THSD4: variants seen among roughly 807,000 people sequenced by gnomAD.
THSD4 encodes the protein thrombospondin type 1 domain containing 4, also known as thrombospondin type-1 domain-containing protein 4.
In THSD4, 69 loss-of-function variants were observed where a neutral mutation model predicts 119.0. The ratio of observed to expected loss-of-function variants is 0.58; its 90% confidence interval spans 0.48 to 0.71. THSD4 has a LOEUF of 0.71. Ranked by LOEUF, THSD4 falls within the 30% of genes least tolerant of loss-of-function variation. THSD4 has a pLI of 0.00. For synonymous variants in THSD4, 524 were observed against 540.4 expected (o/e 0.97, Z 0.42); for missense variants, 1,393 against 1,391.1 (o/e 1.00, Z -0.02).
At chr15:71,575,623 A>G (rs1048289355) in intron 7 of THSD4, among the ~76,000 whole-genome samples, 5 of 152,204 alleles carry the variant, frequency 3.3e-5, no homozygotes, top group Non-Finnish European at 2.9e-5. Context: ...TGAATTCTAG[A>G]AAGATTATTT....
intron 6 of THSD4, among the ~76,000 whole-genome samples, chr15:71,321,279 T>C (rs1243518377): frequency 6.8e-6 from 1 of 148,064 alleles, no homozygotes; most frequent in African/African-American, 2.5e-5. Flanking sequence ...CTCAAGCCTG[T>C]AATCCCAGCA....
intron 7 of THSD4, among the ~76,000 whole-genome samples, chr15:71,474,309 G>A (rs1028790568): frequency 6.6e-6 from 1 of 151,528 alleles, no homozygotes; most frequent in Non-Finnish European, 1.5e-5. Flanking sequence ...AACCTCTGCC[G>A]CCTGGGTTCA....
chr15:71,171,154 C>T (rs889577121), intron 3 of THSD4, among the ~76,000 whole-genome samples: 2 of 151,794 alleles, frequency 1.3e-5, no homozygotes, highest in Non-Finnish European at 2.9e-5. Flanking sequence ...AGTTTCCAAA[C>T]TTGATGAAAA....
chr15:71,761,670 T>C (rs1485519246), intron 15 of THSD4, among the ~76,000 whole-genome samples: 5 of 152,230 alleles, frequency 3.3e-5, no homozygotes, highest in South Asian at 2.1e-4. Context: ...ACGGCTTTTA[T>C]TGGTGTCTTT....
chr15:71,232,070 C>T (rs1178562825), intron 4 of THSD4, among the ~76,000 whole-genome samples: 1 of 152,134 alleles, frequency 6.6e-6, no homozygotes, highest in Non-Finnish European at 1.5e-5. Flanking sequence ...TTGGCTCAAG[C>T]GGCTCCTTGG....
chr15:71,549,298 C>T (rs1271660169), intron 7 of THSD4, among the ~76,000 whole-genome samples: 6 of 152,174 alleles, frequency 3.9e-5, no homozygotes, highest in Non-Finnish European at 1.5e-5. Context: ...AGTAAAGATC[C>T]TCTTGGGCCT....
chr15:71,161,253 T>C (rs987599440), intron 3 of THSD4, among the ~76,000 whole-genome samples: 1 of 152,074 alleles, frequency 6.6e-6, no homozygotes, highest in African/African-American at 2.4e-5. Context: ...CTGTAATTAT[T>C]TGTTAGGTCC....
intron 4 of THSD4, among the ~76,000 whole-genome samples, chr15:71,227,550 A>G (rs2140261250): frequency 1.3e-5 from 2 of 152,350 alleles, no homozygotes; most frequent in South Asian, 2.1e-4. Context: ...TGATTCAGTC[A>G]TAGTAATCAC....
At chr15:71,606,473 A>G (rs948863203) in intron 7 of THSD4, among the ~76,000 whole-genome samples, 2 of 151,756 alleles carry the variant, frequency 1.3e-5, no homozygotes, top group African/African-American at 4.8e-5. Flanking sequence ...AGGAGGCAGG[A>G]TAAACTGCTC....
intron 10 of THSD4, among the ~76,000 whole-genome samples, chr15:71,734,374 A>T (rs574672585): frequency 1.4e-3 from 217 of 152,348 alleles, no homozygotes; most frequent in African/African-American, 5.0e-3. Flanking sequence ...CATGCATATT[A>T]CTAAGTGAAA....
intron 2 of THSD4, among the ~76,000 whole-genome samples, chr15:71,146,653 A>G (rs2040664569): frequency 6.6e-6 from 1 of 152,212 alleles, no homozygotes; most frequent in African/African-American, 2.4e-5. Flanking sequence ...CTATATGAAC[A>G]CAGTACATCT....
chr15:71,174,652 T>C (rs1195122235), intron 3 of THSD4, among the ~76,000 whole-genome samples: 13 of 113,976 alleles, frequency 1.1e-4, no homozygotes, highest in Non-Finnish European at 1.9e-4. Context: ...CAAGGAGGCC[T>C]GCCTGCCTCT....
intron 8 of THSD4, among the ~76,000 whole-genome samples, chr15:71,680,671 A>T (rs1267531437): frequency 6.6e-6 from 1 of 152,230 alleles, no homozygotes; most frequent in Admixed American, 6.5e-5. Flanking sequence ...CAAACATTTC[A>T]GTATGAGCAG....
At chr15:71,279,022 A>G (rs2140311765) in intron 6 of THSD4, among the ~76,000 whole-genome samples, 2 of 152,296 alleles carry the variant, frequency 1.3e-5, no homozygotes, top group East Asian at 3.9e-4. Context: ...GCCTATTAAA[A>G]ATAGGTCAGA....
At chr15:71,680,440 A>C (rs1004446325) in intron 8 of THSD4, among the ~76,000 whole-genome samples, 2 of 152,244 alleles carry the variant, frequency 1.3e-5, no homozygotes, top group Non-Finnish European at 2.9e-5. Context: ...CGAGAAGACC[A>C]ATATTAACCT....
In THSD4 at chr15:71,627,962, G is replaced by A. The variant is rs939429040; in HGVS notation, c.1153-32568G>A. ...CATATGGACAACCTGATAAACGTTC[G>A]CTGGGCCCTTCCATATTCCAGCTAA... On this transcript the variant is annotated intron_variant, in intron 7 of 17. Transcript: ENST00000261862. 2.0e-5 allele frequency among the ~76,000 whole-genome samples: 3 copies of A among 152,160 alleles called. No homozygotes were observed. In the East Asian group the frequency reaches 5.8e-4, roughly 29 times the overall value.
intron 7 of THSD4, chr15:71,547,466 A>G: frequency 1.3e-6 from 2 of 1,550,504 alleles, no homozygotes; most frequent in Non-Finnish European, 1.7e-6. Flanking sequence ...CAGTGTTAGC[A>G]AGACCTGGGG....
intron 8 of THSD4, among the ~76,000 whole-genome samples, chr15:71,695,513 T>C (rs565413247): frequency 1.7e-3 from 265 of 151,692 alleles, no homozygotes; most frequent in South Asian, 5.5e-3. Context: ...TGTGTGTGTG[T>C]GTGTGTGTGT....
At chr15:71,637,563 A>G (rs1293805026) in intron 7 of THSD4, among the ~76,000 whole-genome samples, 1 of 152,160 alleles carries the variant, frequency 6.6e-6, no homozygotes, top group Non-Finnish European at 1.5e-5. Context: ...TGGTGAGGGT[A>G]GCAGTCTATG....
Sources: allele counts gnomAD v4.1 joint callset (sites outside exome capture counted in the v4.1 genomes callset), GRCh38; gene constraint gnomAD v4.1.1; transcripts MANE v1.5; gene names NCBI Gene and HGNC (gene_info 2026-07-23, HGNC 2026-07-21).